The following FHIP2A variants were observed in gnomAD, a reference collection of about 807,000 sequenced individuals.
FHIP2A encodes the protein FHF complex subunit HOOK interacting protein 2A, also known as family with sequence similarity 160 member B1.
A neutral mutation model predicts 93.5 loss-of-function variants in FHIP2A; 46 were observed. The observed-to-expected ratio is 0.49, with a 90% confidence interval of 0.39 to 0.63. The LOEUF (loss-of-function observed/expected upper bound fraction) is 0.63. Ranked by LOEUF, FHIP2A falls within the 20% of genes least tolerant of loss-of-function variation. The pLI, the probability that FHIP2A is intolerant of heterozygous loss-of-function variation, is 0.00. For synonymous variants in FHIP2A, 332 were observed against 326.5 expected (o/e 1.02, Z -0.18); for missense variants, 769 against 909.7 (o/e 0.85, Z 1.99).
At chr10:114,891,272 T>G (rs1167249289) in intron 16 of FHIP2A, among the ~76,000 whole-genome samples, 1 of 150,564 alleles carries the variant, frequency 6.6e-6, no homozygotes, top group Non-Finnish European at 1.5e-5. Context: ...ATTAGAGTAT[T>G]TGATGTCTGA....
chr10:114,847,234 G>A lies in FHIP2A; in HGVS notation c.1712+1G>A. ...CTGAAGTTCATAAAATTGTAAATAG[G>A]TGAGTTGCTATATAAAATTTGACTT... On this transcript the variant is annotated splice_donor_variant, in intron 12 of 16. Coordinates refer to ENST00000369248, the MANE Select transcript of FHIP2A (RefSeq NM_020940.4). LOFTEE classifies it high-confidence loss of function. The A allele has an allele frequency of 6.3e-7, 1 of 1,598,520 alleles. No homozygotes were observed. Among genetic ancestry groups the A allele is most frequent in the Non-Finnish European group, 8.5e-7 (1 of 1,175,972 alleles).
At chr10:114,845,889 G>C (rs947340674) in intron 8 of FHIP2A, 124 bp from the exon 9 acceptor site, 2 of 704,186 alleles carry the variant, frequency 2.8e-6, no homozygotes, top group Non-Finnish European at 4.8e-6. Context: ...CCAATAAGAG[G>C]GTCATTAGGC....
intron 13 of FHIP2A, 41 bp downstream of exon 13, chr10:114,848,778 T>C (rs1460985368): frequency 2.3e-6 from 3 of 1,278,338 alleles, no homozygotes; most frequent in Admixed American, 3.4e-5. Context: ...AATCTAAGAA[T>C]AGACACATGC....
chr10:114,876,819 C>T (rs750056389), intron 16 of FHIP2A, among the ~76,000 whole-genome samples: 1 of 152,188 alleles, frequency 6.6e-6, no homozygotes, highest in Non-Finnish European at 1.5e-5. Context: ...GTGCACCCCA[C>T]TCGCCTCAGA....
chr10:114,836,383 C>G (rs2083637113), intron 5 of FHIP2A, 137 bp downstream of exon 5: 1 of 696,012 alleles, frequency 1.4e-6, no homozygotes, highest in South Asian at 2.6e-5. Context: ...ATTATTTTTC[C>G]TTTAATATCA....
At chr10:114,838,814 C>T (rs1196596843) in intron 5 of FHIP2A, among the ~76,000 whole-genome samples, 3 of 152,340 alleles carry the variant, frequency 2.0e-5, no homozygotes, top group African/African-American at 7.2e-5. Flanking sequence ...GAACACCCCT[C>T]AGAATTAGTG....
chr10:114,876,743 G>C lies in FHIP2A; in HGVS notation c.2192+15409G>C, dbSNP rs73367387. 4.8e-3 allele frequency among the ~76,000 whole-genome samples: 724 copies of C among 152,202 alleles called. 4 individuals are homozygous for C. The highest frequency in any genetic ancestry group is 0.016 in the African/African-American group (680 of 41,518). ...CTCACCTGCCAGCTCCTGGGGCCAG[G>C]GCTCAGCACGGCCCCCTGGTCCTGT... On this transcript the variant is annotated intron_variant, in intron 16 of 16. Transcript: ENST00000369250.
Position 114,864,584 on chromosome 10 carries a change from A to G in FHIP2A, c.*3044A>G. The G allele has an allele frequency of 1.0e-6, 1 of 985,844 alleles. No homozygotes were observed. The allele number at this position is 985,844 out of a possible 1,614,324, so 61.1% of individuals were successfully genotyped here. A position where few individuals can be genotyped will look rare whatever the true frequency, so the allele number is the denominator to read the frequency against. The stretch of plus-strand genomic sequence containing the variant: ...GGAATTCTTGGTCCCTCCGTGGAGA[A>G]ACTCTTCAGATGGTCATTGTGTACC... On this transcript the variant is annotated 3_prime_UTR_variant, in exon 17 of 17. Transcript: ENST00000369248.
intron 15 of FHIP2A, 128 bp from the exon 16 acceptor site, chr10:114,861,103 G>C (rs2083795982): frequency 8.1e-7 from 1 of 1,234,178 alleles, no homozygotes; most frequent in Non-Finnish European, 1.1e-6. Flanking sequence ...GGTTAAAGAT[G>C]ATTATATGAG....
intron 16 of FHIP2A, among the ~76,000 whole-genome samples, chr10:114,879,429 A>G (rs192168373): frequency 3.9e-5 from 6 of 152,318 alleles, no homozygotes; most frequent in African/African-American, 1.4e-4. Context: ...ATTATACCAC[A>G]GCCAGATGAA....
Position 114,862,136 on chromosome 10 carries a change from A to G in FHIP2A, c.*596A>G, listed in dbSNP as rs900525199. On this transcript the variant is annotated 3_prime_UTR_variant, in exon 17 of 17. Transcript: ENST00000369248. Reference sequence around the variant, plus strand: ...GCTTTTTTAAGAATAACAATTTAATATGATAAATTCTTGATTAATATAATA... The same window carrying G: ...GCTTTTTTAAGAATAACAATTTAATGTGATAAATTCTTGATTAATATAATA... 3.5e-5 allele frequency: 32 copies of G among 910,884 alleles called. No homozygotes were observed. The highest frequency in any genetic ancestry group is 4.1e-5 in the Non-Finnish European group (31 of 761,822). 56.4% of individuals were successfully genotyped at this position (910,884 alleles called of 1,614,324 possible).
In FHIP2A at chr10:114,839,226, A is replaced by G. The variant is rs564745501; in HGVS notation, c.522+2980A>G. Among the ~76,000 whole-genome samples the G allele has an allele frequency of 2.6e-5, 4 of 152,108 alleles. No homozygotes were observed. The South Asian group carries it at 8.3e-4, about 32-fold the overall frequency. On this transcript the variant is annotated intron_variant, in intron 5 of 16. Coordinates refer to ENST00000369248, the MANE Select transcript of FHIP2A (RefSeq NM_020940.4). ...CACTGCAGCCTCTGCCTCCCAGTTCAAACGATTCTCATGCTTCAGCCTCCC... is the reference window on the plus strand; with the variant it reads ...CACTGCAGCCTCTGCCTCCCAGTTCGAACGATTCTCATGCTTCAGCCTCCC...
chr10:114,887,718 A>G (rs1364450892), intron 16 of FHIP2A, among the ~76,000 whole-genome samples: 1 of 152,266 alleles, frequency 6.6e-6, no homozygotes, highest in Non-Finnish European at 1.5e-5. Flanking sequence ...TGTGTACTGA[A>G]TGATTTAAAG....
At chr10:114,875,143 G>C (rs2143014508) in intron 16 of FHIP2A, among the ~76,000 whole-genome samples, 1 of 152,330 alleles carries the variant, frequency 6.6e-6, no homozygotes, top group East Asian at 1.9e-4. Context: ...GATGGGCTCA[G>C]TTCCGAGGGA....
At chr10:114,822,904 G>C (rs978823797) in intron 1 of FHIP2A, among the ~76,000 whole-genome samples, 8 of 152,218 alleles carry the variant, frequency 5.3e-5, no homozygotes, top group African/African-American at 1.9e-4. Context: ...CCAGCATAGA[G>C]ACAGTATTCA....
At chr10:114,885,617 A>G (rs2083939171) in intron 16 of FHIP2A, among the ~76,000 whole-genome samples, 1 of 152,196 alleles carries the variant, frequency 6.6e-6, no homozygotes. Context: ...CTGTGCTGCA[A>G]TCCTGTCTCA....
At chr10:114,848,772 T>A in intron 13 of FHIP2A, 35 bp downstream of exon 13, 1 of 1,390,174 alleles carries the variant, frequency 7.2e-7, no homozygotes, top group Non-Finnish European at 1.0e-6. Context: ...AAATGAAATC[T>A]AAGAATAGAC....
In FHIP2A at chr10:114,847,213, A is replaced by G; in HGVS notation, c.1692A>G (p.Glu564=). 2.5e-6 allele frequency: 4 copies of G among 1,611,176 alleles called. No individual in the cohort carries two copies. In the South Asian group the frequency reaches 4.4e-5, roughly 18 times the overall value. Residue 564 remains glutamate, a synonymous_variant, in exon 12 of 17, where the codon GAA becomes GAG. Coordinates refer to ENST00000369248, the MANE Select transcript of FHIP2A (RefSeq NM_020940.4). ...PDHPKNDGKT[E]VHKIVNSFLC... ...ACCCCAAAAATGATGGAAAAACTGA[A>G]GTTCATAAAATTGTAAATAGGTGAG...
At chr10:114,849,907 G>C (rs1197963543) in intron 13 of FHIP2A, among the ~76,000 whole-genome samples, 1 of 152,174 alleles carries the variant, frequency 6.6e-6, no homozygotes, top group African/African-American at 2.4e-5. Context: ...TTTACTCAGT[G>C]TAAGGTCATG....
Sources: allele counts gnomAD v4.1 joint callset (sites outside exome capture counted in the v4.1 genomes callset), GRCh38; gene constraint gnomAD v4.1.1; transcripts MANE v1.5; gene names NCBI Gene and HGNC (gene_info 2026-07-23, HGNC 2026-07-21).